SHISA9: variants seen among roughly 807,000 people sequenced by gnomAD.
The protein encoded by SHISA9 is protein shisa-9.
Under a neutral mutation model 38.0 loss-of-function variants are expected in SHISA9, and 13 were observed. That is an observed-to-expected ratio of 0.34 (90% CI 0.22 to 0.54). The LOEUF is 0.54. Ranked by LOEUF, SHISA9 falls within the 20% of genes least tolerant of loss-of-function variation. The pLI is 0.91. For synonymous variants in SHISA9, 275 were observed against 242.0 expected, an observed-to-expected ratio of 1.14 and a Z score of -1.27; for missense variants, 538 against 575.8, an observed-to-expected ratio of 0.93 and a Z score of 0.67.
intron 2 of SHISA9, among the ~76,000 whole-genome samples, chr16:12,951,622 G>A (rs2071758388): frequency 6.6e-6 from 1 of 152,178 alleles, no homozygotes; most frequent in Non-Finnish European, 1.5e-5. Context: ...CATATTGGCT[G>A]GGGATGGCGG....
At chr16:13,204,214 A>G (rs1627159) in intron 3 of SHISA9, among the ~76,000 whole-genome samples, 7,427 of 85,320 alleles carry the variant, frequency 0.087, 218 homozygotes, top group South Asian at 0.28. Context: ...CTGTCTGTCT[A>G]TCTATCTATC....
At chr16:13,513,571 G>C in the SHISA9 span, among the ~76,000 whole-genome samples, 6 of 152,124 alleles carry the variant, frequency 3.9e-5, no homozygotes, top group Non-Finnish European at 7.3e-5. Context: ...CAATAGCAAA[G>C]ACCTGGAACC....
At chr16:13,187,340 T>TTTC in intron 2 of SHISA9, among the ~76,000 whole-genome samples, 1 of 144,454 alleles carries the variant, frequency 6.9e-6, no homozygotes, top group African/African-American at 2.6e-5. Context: ...TTTTTTTTTT[T>TTTC]TTTTTTTTTT....
the SHISA9 span, among the ~76,000 whole-genome samples, chr16:13,472,377 A>ATTTTTT: frequency 5.4e-3 from 297 of 55,488 alleles, 49 homozygotes; most frequent in African/African-American, 0.014. Context: ...GCTCTGCTAA[A>ATTTTTT]TTTTTTTTTT....
the SHISA9 span, among the ~76,000 whole-genome samples, chr16:13,252,520 G>A: frequency 1.3e-5 from 2 of 152,182 alleles, no homozygotes; most frequent in African/African-American, 4.8e-5. Context: ...TCATGCTGCA[G>A]TCTTCCTCCC....
the SHISA9 span, among the ~76,000 whole-genome samples, chr16:13,455,409 T>C: frequency 6.6e-6 from 1 of 152,180 alleles, no homozygotes; most frequent in Non-Finnish European, 1.5e-5. Context: ...GCACCTTCAA[T>C]GTTTTGCATT....
At chr16:13,380,011 GAATT>G in the SHISA9 span, among the ~76,000 whole-genome samples, 114 of 152,088 alleles carry the variant, frequency 7.5e-4, 1 homozygote, top group African/African-American at 2.6e-3. Context: ...TTATTTTAAA[GAATT>G]AAATAAGCAT....
chr16:13,486,781 C>T, the SHISA9 span, among the ~76,000 whole-genome samples: 5 of 152,240 alleles, frequency 3.3e-5, no homozygotes, highest in Admixed American at 6.5e-5. Flanking sequence ...CTCAGCTCAC[C>T]GCAAACTCCA....
chr16:13,453,023 C>T, the SHISA9 span, among the ~76,000 whole-genome samples: 4 of 152,048 alleles, frequency 2.6e-5, no homozygotes, highest in African/African-American at 9.6e-5. Context: ...ATTCTCCTAC[C>T]TCAGCCTCCC....
the SHISA9 span, among the ~76,000 whole-genome samples, chr16:13,455,278 A>G: frequency 3.5e-4 from 53 of 152,116 alleles, no homozygotes; most frequent in African/African-American, 1.2e-3. Flanking sequence ...CTTCCTCTCC[A>G]TTGTCCCAAG....
At chr16:13,361,573 G>A in the SHISA9 span, among the ~76,000 whole-genome samples, 1 of 152,342 alleles carries the variant, frequency 6.6e-6, no homozygotes, top group East Asian at 1.9e-4. Flanking sequence ...AAATGCAGGT[G>A]AAGAGAGGTC....
chr16:13,142,306 T>A (rs1362023671), intron 2 of SHISA9, among the ~76,000 whole-genome samples: 1 of 152,212 alleles, frequency 6.6e-6, no homozygotes, highest in African/African-American at 2.4e-5. Context: ...AGATCAGTAA[T>A]AGCCCACGTG....
intron 2 of SHISA9, among the ~76,000 whole-genome samples, chr16:13,171,715 G>A (rs1247336575): frequency 6.6e-6 from 1 of 152,074 alleles, no homozygotes; most frequent in East Asian, 1.9e-4. Context: ...AGGCTGGAGG[G>A]GTGGATGGGG....
chr16:13,369,370 G>C, the SHISA9 span, among the ~76,000 whole-genome samples: 1 of 151,972 alleles, frequency 6.6e-6, no homozygotes, highest in Non-Finnish European at 1.5e-5. Flanking sequence ...GAGTGTGGTT[G>C]CTTGCTGGTT....
At chr16:13,208,723 T>G (rs904927597) in intron 3 of SHISA9, among the ~76,000 whole-genome samples, 4 of 152,238 alleles carry the variant, frequency 2.6e-5, no homozygotes, top group Admixed American at 2.6e-4. Context: ...ATGATGACTT[T>G]GAATTATTCC....
the SHISA9 span, among the ~76,000 whole-genome samples, chr16:13,314,203 A>ATT: frequency 8.4e-4 from 126 of 150,236 alleles, 1 homozygote; most frequent in Middle Eastern, 3.4e-3. Context: ...TTTTTATTTC[A>ATT]TTTTTTTTTA....
the SHISA9 span, among the ~76,000 whole-genome samples, chr16:13,271,532 A>C: frequency 1.3e-5 from 2 of 152,146 alleles, no homozygotes; most frequent in East Asian, 3.9e-4. Flanking sequence ...CTATATCCCT[A>C]CCATGGGATA....
chr16:13,432,128 A>G, the SHISA9 span, among the ~76,000 whole-genome samples: 1 of 152,226 alleles, frequency 6.6e-6, no homozygotes, highest in Non-Finnish European at 1.5e-5. Flanking sequence ...CCAGACTTGT[A>G]AATTCTGTTA....
chr16:13,411,232 A>G, the SHISA9 span, among the ~76,000 whole-genome samples: 1 of 152,208 alleles, frequency 6.6e-6, no homozygotes, highest in East Asian at 1.9e-4. Context: ...AAAGCTAGAC[A>G]GCACTACATA....
Sources: gnomAD v4.1 joint callset for allele counts (sites outside exome capture counted in the v4.1 genomes callset) on GRCh38, gnomAD v4.1.1 for gene constraint, MANE v1.5 for transcripts, NCBI Gene and HGNC (gene_info 2026-07-23, HGNC 2026-07-21) for gene names.